SCML4: variants seen among roughly 807,000 people sequenced by gnomAD.
The protein encoded by SCML4 is sex comb on midleg-like protein 4.
Under a neutral mutation model 41.1 loss-of-function variants are expected in SCML4, and 34 were observed. The observed-to-expected ratio is 0.83, with a 90% CI of 0.63 to 1.10. SCML4 has a LOEUF of 1.10. SCML4 is among the 50% of genes least tolerant of loss of function. The pLI is 0.00. For missense variants in SCML4, 522 were observed against 534.1 expected, an observed-to-expected ratio of 0.98 and a Z score of 0.22; for synonymous variants, 214 against 220.9, an observed-to-expected ratio of 0.97 and a Z score of 0.28.
At chr6:107,714,173 G>T (rs1166061142) in intron 6 of SCML4, among the ~76,000 whole-genome samples, 1 of 152,162 alleles carries the variant, frequency 6.6e-6, no homozygotes, top group African/African-American at 2.4e-5. Flanking sequence ...AATTATTTGA[G>T]ACCAGCTGGC....
At chr6:107,734,572 G>A (rs1220068964) in intron 5 of SCML4, among the ~76,000 whole-genome samples, 1 of 152,176 alleles carries the variant, frequency 6.6e-6, no homozygotes, top group Non-Finnish European at 1.5e-5. Flanking sequence ...CTTTTCTCTG[G>A]AGGCACCTTC....
intron 6 of SCML4, among the ~76,000 whole-genome samples, chr6:107,711,896 C>G (rs550918829): frequency 6.6e-6 from 1 of 152,260 alleles, no homozygotes; most frequent in East Asian, 1.9e-4. Context: ...TCCATTAGCA[C>G]TGAGGAGAAT....
At position 107,794,553 on chromosome 6, in the gene SCML4, G is replaced by A. The variant is rs147358743; in HGVS notation, c.-59-22167C>T. Among the ~76,000 whole-genome samples, 31 of 152,078 alleles carry A rather than the reference G, an allele frequency of 2.0e-4. No individual in the cohort carries two copies. In the East Asian group the frequency reaches 4.6e-3, roughly 23 times the overall value. On this transcript the variant is annotated intron_variant, in intron 1 of 7. Coordinates refer to ENST00000369020, the MANE Select transcript of SCML4 (RefSeq NM_198081.5). ...AAGAAAGAACATATTATATGTATAC[G>A]TATGTATATGTGTGTGTGTCTATAT...
chr6:107,709,798 C>T (rs1178492800), intron 6 of SCML4, among the ~76,000 whole-genome samples: 2 of 152,174 alleles, frequency 1.3e-5, no homozygotes, highest in Non-Finnish European at 2.9e-5. Context: ...ACAACCTCCA[C>T]CTTCCGGGTT....
chr6:107,739,785 G>T (rs755331701), intron 5 of SCML4, among the ~76,000 whole-genome samples: 5 of 152,162 alleles, frequency 3.3e-5, no homozygotes, highest in South Asian at 2.1e-4. Flanking sequence ...CTTTGACAAG[G>T]CGATCTTAAA....
At chr6:107,778,223 ATATATATATATAT>A (rs1272354295) in intron 1 of SCML4, among the ~76,000 whole-genome samples, 107 of 3,070 alleles carry the variant, frequency 0.035, 1 homozygote, top group Admixed American at 0.056. Flanking sequence ...AAAAAAAAAA[ATATATATATATAT>A]ATATATATAT....
rs560534969 is a variant in SCML4 at position 107,764,775 on chromosome 6, G to A, written c.156+7397C>T. ...TTCCCACGTGTTGTGGGAGGGACCC[G>A]GTGGGAGGTAACTGAATCATGGGGG... On this transcript the variant is annotated intron_variant, in intron 2 of 7. Transcript: ENST00000369020. 7.9e-4 allele frequency among the ~76,000 whole-genome samples: 121 copies of A among 152,316 alleles called. 1 individual carries two copies. In the South Asian group the frequency reaches 0.013, roughly 16 times the overall value.
intron 1 of SCML4, among the ~76,000 whole-genome samples, chr6:107,778,963 G>A (rs899243971): frequency 3.9e-5 from 6 of 152,060 alleles, no homozygotes; most frequent in Admixed American, 3.9e-4. Context: ...GGCGGATCAC[G>A]AGGTCAGGAG....
chr6:107,729,638 A>G (rs900979078), intron 5 of SCML4, among the ~76,000 whole-genome samples: 3 of 152,218 alleles, frequency 2.0e-5, no homozygotes, highest in Non-Finnish European at 2.9e-5. Context: ...TAGCACATCA[A>G]ACAAAATGAT....
At chr6:107,792,656 T>C (rs1782421294) in intron 1 of SCML4, among the ~76,000 whole-genome samples, 1 of 150,908 alleles carries the variant, frequency 6.6e-6, no homozygotes, top group African/African-American at 2.4e-5. Flanking sequence ...CGCTACAATC[T>C]GGGAGGCAGA....
intron 1 of SCML4, among the ~76,000 whole-genome samples, chr6:107,822,210 T>G (rs1166224467): frequency 3.9e-5 from 6 of 152,218 alleles, no homozygotes; most frequent in Non-Finnish European, 8.8e-5. Flanking sequence ...TTTTTTAAAG[T>G]CAATATTGTT....
chr6:107,730,648 C>A (rs142398097), intron 5 of SCML4, among the ~76,000 whole-genome samples: 164 of 152,336 alleles, frequency 1.1e-3, no homozygotes, highest in Middle Eastern at 6.8e-3. Context: ...AAAACACACA[C>A]GTGGCCCCAT....
upstream of SCML4, among the ~76,000 whole-genome samples, chr6:107,827,456 T>C (rs1785298831): frequency 1.3e-5 from 2 of 151,740 alleles, no homozygotes; most frequent in Non-Finnish European, 2.9e-5. Flanking sequence ...ACATAGCTTT[T>C]AATAACTTAA....
At chr6:107,706,780 G>A (rs757561237) in intron 7 of SCML4, among the ~76,000 whole-genome samples, 4 of 152,128 alleles carry the variant, frequency 2.6e-5, no homozygotes, top group Non-Finnish European at 5.9e-5. Context: ...ATGGCAGCCC[G>A]AGCAGCCGAA....
intron 1 of SCML4, among the ~76,000 whole-genome samples, chr6:107,778,240 T>TATATATATATATATATATAG (rs1781189047): frequency 8.3e-5 from 1 of 12,064 alleles, no homozygotes; most frequent in Non-Finnish European, 2.1e-4. Flanking sequence ...TATATATATA[T>TATATATATATATATATATAG]ATATATATAT....
intron 1 of SCML4, among the ~76,000 whole-genome samples, chr6:107,781,412 C>T (rs1490185570): frequency 2.6e-5 from 4 of 152,148 alleles, no homozygotes; most frequent in East Asian, 1.9e-4. Context: ...TTTGGGAGGC[C>T]GAGGCGGGTG....
chr6:107,809,577 G>A (rs752383164), intron 1 of SCML4, among the ~76,000 whole-genome samples: 1 of 152,172 alleles, frequency 6.6e-6, no homozygotes, highest in Non-Finnish European at 1.5e-5. Flanking sequence ...CCAATTGGAA[G>A]GCATGGGGTA....
At chr6:107,808,053 G>C (rs1396572834) in intron 1 of SCML4, among the ~76,000 whole-genome samples, 1 of 152,112 alleles carries the variant, frequency 6.6e-6, no homozygotes, top group Non-Finnish European at 1.5e-5. Flanking sequence ...GAATTGAGTT[G>C]ACTTTTGCAC....
chr6:107,823,264 G>A (rs1383619578), intron 1 of SCML4, among the ~76,000 whole-genome samples: 2 of 152,148 alleles, frequency 1.3e-5, no homozygotes, highest in Non-Finnish European at 1.5e-5. Context: ...TCTCGTTCAC[G>A]ATCACAGATA....
Sources: gnomAD v4.1 joint callset for allele counts (sites outside exome capture counted in the v4.1 genomes callset) on GRCh38, gnomAD v4.1.1 for gene constraint, MANE v1.5 for transcripts, NCBI Gene and HGNC (gene_info 2026-07-23, HGNC 2026-07-21) for gene names.